The following C3orf18 variants were observed in gnomAD, a reference collection of about 807,000 sequenced individuals.
C3orf18 encodes uncharacterized protein C3orf18.
Under a neutral mutation model 14.1 loss-of-function variants are expected in C3orf18, and 12 were observed. The observed-to-expected ratio is 0.85, with a 90% CI of 0.55 to 1.38. The LOEUF is 1.38. Among genes scored for constraint, C3orf18 ranks in the 40% most tolerant of loss-of-function variants. The probability of loss-of-function intolerance (pLI) is 0.00; values close to 1 mark genes in which losing one functional copy is unlikely to be tolerated. For synonymous variants in C3orf18, 82 were observed against 87.9 expected (o/e 0.93, Z 0.38); for missense variants, 196 against 213.9 (o/e 0.92, Z 0.52).
In C3orf18 at chr3:50,567,639, C is replaced by A. The variant is rs955738464; in HGVS notation, c.-428G>T. The A allele has an allele frequency of 6.6e-6, 1 of 152,258 alleles. No homozygotes were observed. The highest frequency in any genetic ancestry group is 1.5e-5 in the Non-Finnish European group (1 of 68,058). 9.4% of individuals were successfully genotyped at this position (152,258 alleles called of 1,614,324 possible). A position where few individuals can be genotyped will look rare whatever the true frequency, so the allele number is the denominator to read the frequency against. On this transcript the variant is annotated 5_prime_UTR_variant, in exon 1 of 6. The change abolishes an upstream ATG in the 5' untranslated region. Transcript: ENST00000357203. ...CAGGCCCGCTACTGCGCACCAGCCG[C>A]ATCCGCGAGCGCTGGCTCTGCCGGC...
chr3:50,572,381 T>G (rs1701101522), upstream of C3orf18, among the ~76,000 whole-genome samples: 1 of 152,160 alleles, frequency 6.6e-6, no homozygotes, highest in Non-Finnish European at 1.5e-5. Flanking sequence ...GGACAGAGGA[T>G]TCCTGTTGGT....
In C3orf18 at chr3:50,565,589, G is replaced by C. The variant is rs1223922048; in HGVS notation, c.111C>G (p.Leu37=). Residue 37 remains leucine, a synonymous_variant, in exon 3 of 6, where the codon CTC becomes CTG. Coordinates refer to ENST00000357203, the MANE Select transcript of C3orf18 (RefSeq NM_016210.5). The surrounding 1 kb of genome is among the most constrained non-coding windows in gnomAD (Gnocchi z 4.4). ...TDGPASETTT[L]SPEATTFNDT... Reference sequence around the variant, plus strand: ...CATTAAAGGTGGTGGCCTCTGGGCTGAGGGTAGTGGTCTCGGAGGCTGGCC... The same window carrying C: ...CATTAAAGGTGGTGGCCTCTGGGCTCAGGGTAGTGGTCTCGGAGGCTGGCC... 1 of 1,614,012 alleles carries C rather than the reference G, an allele frequency of 6.2e-7. No homozygotes were observed. The highest frequency in any genetic ancestry group is 1.1e-5 in the South Asian group (1 of 91,068).
chr3:50,573,609 C>A (rs936127184), upstream of C3orf18, among the ~76,000 whole-genome samples: 1 of 151,576 alleles, frequency 6.6e-6, no homozygotes, highest in Admixed American at 6.6e-5. Flanking sequence ...GGAGATGCTG[C>A]GATTGGGAGG....
At chr3:50,560,459 T>C (rs1699894589) in intron 5 of C3orf18, among the ~76,000 whole-genome samples, 1 of 152,224 alleles carries the variant, frequency 6.6e-6, no homozygotes, top group African/African-American at 2.4e-5. Flanking sequence ...GAGGTACCGC[T>C]GTCCAAGAGT....
upstream of C3orf18, among the ~76,000 whole-genome samples, chr3:50,572,548 C>T (rs1701118440): frequency 6.6e-6 from 1 of 152,230 alleles, no homozygotes; most frequent in Non-Finnish European, 1.5e-5. Flanking sequence ...CAAATGTCTT[C>T]CAGCAGCTTC....
At chr3:50,564,433 T>A (rs552950998) in intron 3 of C3orf18, among the ~76,000 whole-genome samples, 1 of 152,160 alleles carries the variant, frequency 6.6e-6, no homozygotes, top group Non-Finnish European at 1.5e-5. Flanking sequence ...TCCTTCCTGA[T>A]GGCTGCCACC....
chr3:50,561,807 C>T lies in C3orf18; in HGVS notation c.235-60G>A, dbSNP rs190551576. The T allele has an allele frequency of 1.2e-4, 185 of 1,585,362 alleles. 4 individuals are homozygous for T. The Admixed American group carries it at 2.3e-3, about 19-fold the overall frequency. On this transcript the variant is annotated intron_variant, in intron 3 of 5. Coordinates refer to ENST00000357203, the MANE Select transcript of C3orf18 (RefSeq NM_016210.5). ...GAGGAGGCCCTGAGGAACCCAGCAGCCCTTCTGGATGGGGACATGCTGAGG... is the reference window on the plus strand; with the variant it reads ...GAGGAGGCCCTGAGGAACCCAGCAGTCCTTCTGGATGGGGACATGCTGAGG...
chr3:50,560,355 C>T (rs1699888209), intron 5 of C3orf18, among the ~76,000 whole-genome samples: 1 of 152,206 alleles, frequency 6.6e-6, no homozygotes, highest in Admixed American at 6.5e-5. Flanking sequence ...GATGGCCACA[C>T]AGGTACCTAT....
In C3orf18 at chr3:50,559,078, A is replaced by G; in HGVS notation, c.*579T>C. On this transcript the variant is annotated 3_prime_UTR_variant, in exon 6 of 6. Coordinates refer to ENST00000357203, the MANE Select transcript of C3orf18 (RefSeq NM_016210.5). Reference sequence around the variant, plus strand: ...GGAGACCTCCTGGACCCTCCGTAGTATGGATGGACCCTGGGTGTGAATTGC... The same window carrying G: ...GGAGACCTCCTGGACCCTCCGTAGTGTGGATGGACCCTGGGTGTGAATTGC... 2 of 1,289,788 alleles carry G rather than the reference A, an allele frequency of 1.6e-6. No homozygotes were observed. Among genetic ancestry groups the G allele is most frequent in the East Asian group, 5.6e-5 (1 of 18,018 alleles). 79.9% of individuals were successfully genotyped at this position (1,289,788 alleles called of 1,614,324 possible).
chr3:50,569,633 T>C (rs34584636), upstream of C3orf18: 15,363 of 152,284 alleles, frequency 0.1, 964 homozygotes, highest in Non-Finnish European at 0.13. Context: ...CCTGGAGACC[T>C]GGCCGGTACC....
chr3:50,558,835 C>T lies in C3orf18; in HGVS notation c.*822G>A, dbSNP rs932666152. On this transcript the variant is annotated 3_prime_UTR_variant, in exon 6 of 6. Transcript: ENST00000357203. ...CCACTACATACCATGGGGTAGAGGT[C>T]GACTTGGAGGGTGGGGCCAGTGTGG... 8 of 1,289,676 alleles carry T rather than the reference C, an allele frequency of 6.2e-6. No homozygotes were observed. The highest frequency in any genetic ancestry group is 1.5e-5 in the African/African-American group (1 of 65,852). The allele number at this position is 1,289,676 out of a possible 1,614,324, so 79.9% of individuals were successfully genotyped here. A position where few individuals can be genotyped will look rare whatever the true frequency, so the allele number is the denominator to read the frequency against.
upstream of C3orf18, among the ~76,000 whole-genome samples, chr3:50,573,434 G>C (rs950573417): frequency 6.6e-6 from 1 of 152,190 alleles, no homozygotes; most frequent in African/African-American, 2.4e-5. Context: ...GGCTTCCCAG[G>C]GTCAGGGCAT....
At chr3:50,574,662 G>C (rs1321877299), upstream of C3orf18, among the ~76,000 whole-genome samples, 1 of 152,168 alleles carries the variant, frequency 6.6e-6, no homozygotes, top group Non-Finnish European at 1.5e-5. Flanking sequence ...GAGACCACAG[G>C]CTCTCAGCCA....
In C3orf18 at chr3:50,561,074, G is replaced by C; in HGVS notation, c.261-10C>G. On this transcript the variant is annotated splice_polypyrimidine_tract_variant and intron_variant, in intron 4 of 5. Transcript: ENST00000357203. Reference sequence around the variant, plus strand: ...GCGTAGCTTCTCCAGCCTGGGGATGGGGGCAAAGGCTGCTGGGGACAGGGC... The same window carrying C: ...GCGTAGCTTCTCCAGCCTGGGGATGCGGGCAAAGGCTGCTGGGGACAGGGC... 6.2e-7 allele frequency: 1 copy of C among 1,613,342 alleles called. No individual in the cohort carries two copies. Among genetic ancestry groups the C allele is most frequent in the Non-Finnish European group, 8.5e-7 (1 of 1,179,578 alleles).
In C3orf18 at chr3:50,558,969, A is replaced by G. The variant is rs1319142559; in HGVS notation, c.*688T>C. 7.8e-7 allele frequency: 1 copy of G among 1,287,974 alleles called. No individual in the cohort carries two copies. Among genetic ancestry groups the G allele is most frequent in the Middle Eastern group, 2.1e-4 (1 of 4,690 alleles). 79.8% of individuals were successfully genotyped at this position (1,287,974 alleles called of 1,614,324 possible). A position where few individuals can be genotyped will look rare whatever the true frequency, so the allele number is the denominator to read the frequency against. On this transcript the variant is annotated 3_prime_UTR_variant, in exon 6 of 6. Transcript: ENST00000357203. ...AGGTCTGGGGGGGCTGCATCCTTCC[A>G]CTTCCATTCCCCTACTTCCTTCCCC...
chr3:50,564,530 G>A (rs1175064613), intron 3 of C3orf18, among the ~76,000 whole-genome samples: 2 of 152,104 alleles, frequency 1.3e-5, no homozygotes, highest in East Asian at 3.9e-4. Flanking sequence ...TAACCACCTA[G>A]TCTGGAAAGC....
intron 3 of C3orf18, chr3:50,562,538 T>C (rs921369020): frequency 2.2e-6 from 1 of 455,156 alleles, no homozygotes; most frequent in African/African-American, 2.0e-5. Flanking sequence ...GGAGGATCTC[T>C]TGAGCCCAGG....
In C3orf18 at chr3:50,565,678, C is replaced by G; in HGVS notation, c.22G>C (p.Ala8Pro). Residue 8 changes from alanine (A) to proline (P), a missense_variant, in exon 3 of 6, where the codon GCT becomes CCT. Transcript: ENST00000357203. This position sits in a 1 kb window ranked among gnomAD's most constrained non-coding sequence, Gnocchi z 4.4. Reference protein sequence around the residue: MNSRTASARGWFSSRPPT... With the variant: MNSRTASPRGWFSSRPPT... ...GGGCGGCTGCTGAACCAGCCCCTAG[C>G]AGATGCGGTCCTGGAGTTCATGCTG... 6.2e-6 allele frequency: 10 copies of G among 1,611,716 alleles called. No individual in the cohort carries two copies. The highest frequency in any genetic ancestry group is 8.5e-6 in the Non-Finnish European group (10 of 1,179,932).
upstream of C3orf18, among the ~76,000 whole-genome samples, chr3:50,572,915 TG>T (rs1398556895): frequency 1.3e-5 from 2 of 152,194 alleles, no homozygotes; most frequent in Non-Finnish European, 2.9e-5. Context: ...GGAGTAGAGC[TG>T]GGTGAGAGCT....
Sources: gnomAD v4.1 joint callset for allele counts (sites outside exome capture counted in the v4.1 genomes callset) on GRCh38, gnomAD v4.1.1 for gene constraint, Gnocchi (gnomAD v3.1) non-coding constraint, MANE v1.5 for transcripts, NCBI Gene and HGNC (gene_info 2026-07-23, HGNC 2026-07-21) for gene names.